Variants in CDIN1 observed in about 807,000 individuals in gnomAD.
CDIN1 encodes the protein CDAN1-interacting nuclease 1.
CDIN1 carries 33 observed loss-of-function variants against 45.3 expected under a neutral mutation model. The observed-to-expected ratio is 0.73, with a 90% CI of 0.55 to 0.97. The LOEUF (loss-of-function observed/expected upper bound fraction) is 0.97, where lower values mean the gene tolerates loss of function less well. CDIN1 is among the 50% of genes least tolerant of loss of function. The pLI, the probability that CDIN1 is intolerant of heterozygous loss-of-function variation, is 0.00. For synonymous variants in CDIN1, 118 were observed against 124.4 expected (o/e 0.95, Z 0.34); for missense variants, 303 against 339.4 (o/e 0.89, Z 0.84).
intron 5 of CDIN1, among the ~76,000 whole-genome samples, chr15:36,685,532 T>C (rs529248395): frequency 9.0e-4 from 137 of 152,262 alleles, no homozygotes; most frequent in African/African-American, 3.3e-3. Flanking sequence ...CCAAAAGCAA[T>C]GGCAACAAAA....
chr15:36,695,583 A>G (rs2042393613), intron 7 of CDIN1, among the ~76,000 whole-genome samples: 1 of 152,166 alleles, frequency 6.6e-6, no homozygotes, highest in Admixed American at 6.5e-5. Context: ...GCAGTGGCTC[A>G]CACCTGTAAT....
intron 5 of CDIN1, among the ~76,000 whole-genome samples, chr15:36,689,755 T>C (rs1374933532): frequency 6.6e-6 from 1 of 152,206 alleles, no homozygotes. Flanking sequence ...ATTCCCGATA[T>C]TTTTACCACT....
intron 10 of CDIN1, among the ~76,000 whole-genome samples, chr15:36,757,696 C>G (rs999104459): frequency 1.3e-5 from 2 of 152,130 alleles, no homozygotes; most frequent in Non-Finnish European, 2.9e-5. Flanking sequence ...CTCCTGACAT[C>G]TAGACATCCA....
chr15:36,771,174 A>G (rs1209771597), intron 10 of CDIN1, among the ~76,000 whole-genome samples: 1 of 152,042 alleles, frequency 6.6e-6, no homozygotes. Flanking sequence ...TATATTTTAT[A>G]TTTCTTATTG....
At position 36,608,320 on chromosome 15, in the gene CDIN1, A is replaced by G. The variant is rs530042870; in HGVS notation, c.101+28359A>G. On this transcript the variant is annotated intron_variant, in intron 1 of 10. Coordinates refer to ENST00000566621, the MANE Select transcript of CDIN1 (RefSeq NM_001321759.2). ...TGTATGAGGGTTTTAATTTCTCAGAATCATCAATAACACTTGTGTATTGTG... is the reference window on the plus strand; with the variant it reads ...TGTATGAGGGTTTTAATTTCTCAGAGTCATCAATAACACTTGTGTATTGTG... Among the ~76,000 whole-genome samples the G allele has an allele frequency of 3.3e-5, 5 of 152,310 alleles. No individual in the cohort carries two copies. The South Asian group carries it at 8.3e-4, about 25-fold the overall frequency.
chr15:36,658,736 T>G (rs1406566580), intron 5 of CDIN1, among the ~76,000 whole-genome samples: 2 of 152,230 alleles, frequency 1.3e-5, no homozygotes, highest in African/African-American at 4.8e-5. Context: ...TCTTTGAAAG[T>G]AGAAGATAAT....
intron 5 of CDIN1, among the ~76,000 whole-genome samples, chr15:36,670,922 AAG>A (rs1171461767): frequency 1.3e-5 from 2 of 152,140 alleles, no homozygotes; most frequent in East Asian, 1.9e-4. Flanking sequence ...AACACTAAAT[AAG>A]AGAGAAAAGA....
At position 36,579,728 on chromosome 15, in the gene CDIN1, A is replaced by T. The variant is rs1328569323; in HGVS notation, c.-133A>T. 1.3e-5 allele frequency: 9 copies of T among 670,066 alleles called. No homozygotes were observed. Among genetic ancestry groups the T allele is most frequent in the Admixed American group, 8.6e-5 (3 of 34,792 alleles). 41.5% of individuals were successfully genotyped at this position (670,066 alleles called of 1,614,324 possible). On this transcript the variant is annotated 5_prime_UTR_variant, in exon 1 of 11. Coordinates refer to ENST00000566621, the MANE Select transcript of CDIN1 (RefSeq NM_001321759.2). ...CAGCTAGGGGTGTGTTTCAGGGGGGATTGGGGCAAGCCAAGCAGGCGAGGA... is the reference window on the plus strand; with the variant it reads ...CAGCTAGGGGTGTGTTTCAGGGGGGTTTGGGGCAAGCCAAGCAGGCGAGGA...
chr15:36,649,295 A>G (rs1279731803), intron 3 of CDIN1, among the ~76,000 whole-genome samples: 6 of 152,194 alleles, frequency 3.9e-5, no homozygotes, highest in African/African-American at 4.8e-5. Context: ...AAACAAATGA[A>G]TGATGGACCC....
chr15:36,644,382 C>T, intron 2 of CDIN1, 59 bp downstream of exon 2: 2 of 1,524,574 alleles, frequency 1.3e-6, no homozygotes, highest in Non-Finnish European at 1.8e-6. Flanking sequence ...ATGAATGTCC[C>T]TTTATTTCTT....
intron 5 of CDIN1, among the ~76,000 whole-genome samples, chr15:36,679,831 A>G (rs959103773): frequency 6.6e-6 from 1 of 152,104 alleles, no homozygotes; most frequent in East Asian, 1.9e-4. Context: ...CCTCACCCAC[A>G]TGGCAGACAT....
At chr15:36,696,069 G>A (rs12902313) in intron 7 of CDIN1, among the ~76,000 whole-genome samples, 118,912 of 152,070 alleles carry the variant, frequency 0.78, 47,103 homozygotes, top group East Asian at 0.94. Flanking sequence ...CTCATTAACT[G>A]TATGCCCTGT....
Position 36,782,463 on chromosome 15 carries a change from A to G in CDIN1, c.717-25861A>G, listed in dbSNP as rs564961200. On this transcript the variant is annotated intron_variant, in intron 10 of 10. Coordinates refer to ENST00000566621, the MANE Select transcript of CDIN1 (RefSeq NM_001321759.2). Reference sequence around the variant, plus strand: ...TTAGCATTTTTGTTCCTGCTTTAAAATGATTCTATACTAAGCTGCAAAATG... The same window carrying G: ...TTAGCATTTTTGTTCCTGCTTTAAAGTGATTCTATACTAAGCTGCAAAATG... Among the ~76,000 whole-genome samples the G allele has an allele frequency of 6.3e-4, 96 of 152,282 alleles. 2 individuals carry two copies. The South Asian group carries it at 0.017, about 28-fold the overall frequency.
At chr15:36,682,971 A>T (rs1168401233) in intron 5 of CDIN1, among the ~76,000 whole-genome samples, 1 of 152,184 alleles carries the variant, frequency 6.6e-6, no homozygotes, top group African/African-American at 2.4e-5. Flanking sequence ...AAGAGCAGAT[A>T]GACTTTGAAG....
intron 10 of CDIN1, among the ~76,000 whole-genome samples, chr15:36,757,714 TTG>T (rs2053645095): frequency 1.3e-5 from 2 of 152,110 alleles, no homozygotes; most frequent in Admixed American, 1.3e-4. Flanking sequence ...CCACCTCATC[TTG>T]GCTCGGTGAC....
chr15:36,590,980 T>G (rs192635291), intron 1 of CDIN1, among the ~76,000 whole-genome samples: 32 of 152,366 alleles, frequency 2.1e-4, no homozygotes, highest in Admixed American at 1.8e-3. Flanking sequence ...GTTTGTCATA[T>G]ATATTTATGA....
At position 36,769,124 on chromosome 15, in the gene CDIN1, T is replaced by C. The variant is rs190083650; in HGVS notation, c.717-39200T>C. 5.8e-3 allele frequency among the ~76,000 whole-genome samples: 879 copies of C among 152,346 alleles called. 7 individuals carry two copies. The highest frequency in any genetic ancestry group is 0.02 in the African/African-American group (835 of 41,584). On this transcript the variant is annotated intron_variant, in intron 10 of 10. Coordinates refer to ENST00000566621, the MANE Select transcript of CDIN1 (RefSeq NM_001321759.2). Reference sequence around the variant, plus strand: ...CACACCCTAAAATATGTAGCTAACATTGAATATGCCTTTGGTTAGCGCATT... The same window carrying C: ...CACACCCTAAAATATGTAGCTAACACTGAATATGCCTTTGGTTAGCGCATT...
At chr15:36,787,877 A>G (rs1027462932) in intron 10 of CDIN1, among the ~76,000 whole-genome samples, 1 of 150,820 alleles carries the variant, frequency 6.6e-6, no homozygotes, top group Non-Finnish European at 1.5e-5. Flanking sequence ...CACATATTTA[A>G]TATGATAAAT....
chr15:36,618,371 G>A, intron 1 of CDIN1: 1 of 690,082 alleles, frequency 1.4e-6, no homozygotes, highest in Non-Finnish European at 2.6e-6. Flanking sequence ...TTCAAAAGGA[G>A]ACTTCCACTT....
Sources: allele counts gnomAD v4.1 joint callset (sites outside exome capture counted in the v4.1 genomes callset), GRCh38; gene constraint gnomAD v4.1.1; transcripts MANE v1.5; gene names NCBI Gene and HGNC (gene_info 2026-07-23, HGNC 2026-07-21).